RTN3: variants seen among roughly 807,000 people sequenced by gnomAD.
The protein encoded by RTN3 is reticulon-3.
A neutral mutation model predicts 77.8 loss-of-function variants in RTN3; 49 were observed. That is an observed-to-expected ratio of 0.63 (90% confidence interval 0.50 to 0.80). RTN3 has a LOEUF of 0.80. Ranked by LOEUF, RTN3 falls within the 30% of genes least tolerant of loss-of-function variation. The pLI, the probability that RTN3 is intolerant of heterozygous loss-of-function variation, is 0.00. For synonymous variants in RTN3, 464 were observed against 446.9 expected (o/e 1.04, Z -0.48); for missense variants, 1,236 against 1,211.9 (o/e 1.02, Z -0.29).
chr11:63,740,629 C>T (rs2013410372), intron 3 of RTN3, among the ~76,000 whole-genome samples: 1 of 151,212 alleles, frequency 6.6e-6, no homozygotes, highest in African/African-American at 2.4e-5. Flanking sequence ...TAGGGTCTCA[C>T]TATGTTGCCC....
intron 3 of RTN3, among the ~76,000 whole-genome samples, chr11:63,731,491 A>T (rs1006388442): frequency 6.6e-6 from 1 of 152,232 alleles, no homozygotes; most frequent in East Asian, 1.9e-4. Flanking sequence ...AAATTCCCAA[A>T]TATTTGGAAA....
chr11:63,732,837 G>A (rs749550015), intron 3 of RTN3, among the ~76,000 whole-genome samples: 4 of 152,174 alleles, frequency 2.6e-5, no homozygotes, highest in Non-Finnish European at 4.4e-5. Flanking sequence ...TATGTATAGA[G>A]TAATACCAAA....
chr11:63,711,456 T>G (rs1441795533), intron 2 of RTN3, among the ~76,000 whole-genome samples: 1 of 151,364 alleles, frequency 6.6e-6, no homozygotes, highest in Non-Finnish European at 1.5e-5. Context: ...GTGGGTCAAT[T>G]AGGGCTCACT....
At chr11:63,723,215 T>G (rs2011945976) in intron 3 of RTN3, among the ~76,000 whole-genome samples, 1 of 152,148 alleles carries the variant, frequency 6.6e-6, no homozygotes, top group Non-Finnish European at 1.5e-5. Context: ...GTTTTTAGAT[T>G]GTAATTAAAG....
intron 2 of RTN3, among the ~76,000 whole-genome samples, chr11:63,709,467 T>C (rs1410369639): frequency 6.6e-6 from 1 of 151,990 alleles, no homozygotes; most frequent in Non-Finnish European, 1.5e-5. Context: ...ATTGCATTAA[T>C]GAATGCTTGC....
intron 1 of RTN3, among the ~76,000 whole-genome samples, chr11:63,704,105 T>G (rs1394944519): frequency 6.6e-6 from 1 of 151,816 alleles, no homozygotes; most frequent in Non-Finnish European, 1.5e-5. Context: ...TGGGTTCAAG[T>G]GATTCTCCTG....
chr11:63,699,319 A>AG (rs1942122523), intron 1 of RTN3, among the ~76,000 whole-genome samples: 1 of 151,934 alleles, frequency 6.6e-6, no homozygotes, highest in Non-Finnish European at 1.5e-5. Flanking sequence ...AAAAAAAAAA[A>AG]GAATTCCTTC....
At chr11:63,724,579 C>T (rs1406039260) in intron 3 of RTN3, among the ~76,000 whole-genome samples, 2 of 148,240 alleles carry the variant, frequency 1.3e-5, no homozygotes, top group East Asian at 4.0e-4. Flanking sequence ...GCAACCTCCA[C>T]CTCCCGGGTT....
At chr11:63,743,191 G>T (rs567917925) in intron 3 of RTN3, among the ~76,000 whole-genome samples, 34 of 152,134 alleles carry the variant, frequency 2.2e-4, no homozygotes, top group Admixed American at 2.0e-3. Context: ...ATGAGCCACC[G>T]CGCCCAGCCT....
chr11:63,688,827 T>C (rs1941507366), intron 1 of RTN3, among the ~76,000 whole-genome samples: 1 of 152,168 alleles, frequency 6.6e-6, no homozygotes, highest in Admixed American at 6.5e-5. Flanking sequence ...GTTTCAAGCC[T>C]TGTAAAATGA....
intron 3 of RTN3, among the ~76,000 whole-genome samples, chr11:63,730,043 T>C (rs1001434255): frequency 6.6e-6 from 1 of 152,310 alleles, no homozygotes; most frequent in Non-Finnish European, 1.5e-5. Flanking sequence ...CTCAGCTCAC[T>C]GCAACCTCTG....
intron 3 of RTN3, among the ~76,000 whole-genome samples, chr11:63,741,592 C>T (rs765633483): frequency 6.6e-5 from 10 of 151,506 alleles, no homozygotes; most frequent in African/African-American, 2.4e-4. Context: ...CTCTGCCTCC[C>T]GGGTTCAAGT....
Position 63,719,402 on chromosome 11 carries a change from A to G in RTN3, c.900A>G (p.Lys300=), listed in dbSNP as rs1394584678. 5.0e-6 allele frequency: 8 copies of G among 1,614,100 alleles called. No individual in the cohort carries two copies. The highest frequency in any genetic ancestry group is 4.0e-5 in the African/African-American group (3 of 74,944). The change falls in exon 3 of 9, where the codon AAA becomes AAG. Residue 300 remains lysine, a synonymous_variant. Transcript: ENST00000377819. ...ACAAGCTTTTTCCACTGAGAAATAA[A>G]GAGGCAGGACGTTACCCAATGTCTG... ...TNDKLFPLRN[K]EAGRYPMSAL... is the part of the protein sequence containing the mutation.
intron 1 of RTN3, among the ~76,000 whole-genome samples, chr11:63,684,864 A>G (rs1231159799): frequency 6.6e-6 from 1 of 151,990 alleles, no homozygotes; most frequent in Admixed American, 6.6e-5. Flanking sequence ...GGCTCAAACC[A>G]TTCTCCCACC....
At chr11:63,709,899 T>G (rs1411065407) in intron 2 of RTN3, among the ~76,000 whole-genome samples, 1 of 152,224 alleles carries the variant, frequency 6.6e-6, no homozygotes, top group Non-Finnish European at 1.5e-5. Flanking sequence ...GTTATAGATA[T>G]CCTTTTAGTA....
At chr11:63,703,297 T>A (rs1013239864) in intron 1 of RTN3, among the ~76,000 whole-genome samples, 1 of 152,102 alleles carries the variant, frequency 6.6e-6, no homozygotes, top group African/African-American at 2.4e-5. Context: ...TGGTGGGGGG[T>A]GGTGGTTTTA....
intron 3 of RTN3, among the ~76,000 whole-genome samples, chr11:63,726,834 C>CCAAGATCATG (rs2012305333): frequency 6.6e-6 from 1 of 151,220 alleles, no homozygotes; most frequent in Non-Finnish European, 1.5e-5. Context: ...TGCACTACAG[C>CCAAGATCATG]CTGGGTGACA....
intron 3 of RTN3, among the ~76,000 whole-genome samples, chr11:63,723,665 G>T (rs2011993222): frequency 6.6e-6 from 1 of 152,058 alleles, no homozygotes; most frequent in African/African-American, 2.4e-5. Flanking sequence ...GGCTTCAAGT[G>T]ATCCGCCTGC....
At chr11:63,712,815 G>A (rs1190375923) in intron 2 of RTN3, among the ~76,000 whole-genome samples, 1 of 152,046 alleles carries the variant, frequency 6.6e-6, no homozygotes, top group African/African-American at 2.4e-5. Flanking sequence ...GAATTTTTTG[G>A]CCGGGCGCAA....
Sources: gnomAD v4.1 joint callset for allele counts (sites outside exome capture counted in the v4.1 genomes callset) on GRCh38, gnomAD v4.1.1 for gene constraint, MANE v1.5 for transcripts, NCBI Gene and HGNC (gene_info 2026-07-23, HGNC 2026-07-21) for gene names.